FKBP11: variants seen among roughly 807,000 people sequenced by gnomAD.
FKBP11 encodes the protein FKBP prolyl isomerase 11.
Under a neutral mutation model 24.7 loss-of-function variants are expected in FKBP11, and 21 were observed. That is an observed-to-expected ratio of 0.85 (90% CI 0.60 to 1.23). The LOEUF (loss-of-function observed/expected upper bound fraction) is 1.23. Ranked by LOEUF, FKBP11 falls within the 50% of genes most tolerant of loss-of-function variation. FKBP11 has a pLI of 0.00. For missense variants in FKBP11, 245 were observed against 248.7 expected (o/e 0.99, Z 0.10); for synonymous variants, 106 against 100.6 (o/e 1.05, Z -0.32).
At chr12:48,924,406 G>T in intron 3 of FKBP11, 150 bp from the exon 4 acceptor site, 1 of 1,161,470 alleles carries the variant, frequency 8.6e-7, no homozygotes, top group Non-Finnish European at 1.3e-6. Context: ...GACAAGTGGA[G>T]TACTAGAAGT....
the FKBP11 span, chr12:48,936,991 A>AC: frequency 0.025 from 3,705 of 150,238 alleles, 148 homozygotes; most frequent in African/African-American, 0.081. Context: ...AACCTCCAAC[A>AC]CCCCCCCCAC....
the FKBP11 span, among the ~76,000 whole-genome samples, chr12:48,933,116 T>C: frequency 6.6e-6 from 1 of 152,204 alleles, no homozygotes; most frequent in Non-Finnish European, 1.5e-5. Flanking sequence ...TCCTCACATC[T>C]ACACCTCCAA....
the FKBP11 span, chr12:48,938,730 G>T: frequency 1.6e-6 from 1 of 611,200 alleles, no homozygotes; most frequent in Non-Finnish European, 2.9e-6. Flanking sequence ...CCAGTAAATT[G>T]GAATGACTCA....
intron 5 of FKBP11, chr12:48,922,419 G>A: frequency 1.4e-6 from 1 of 703,834 alleles, no homozygotes; most frequent in East Asian, 3.2e-5. Context: ...CATGTGGCTT[G>A]GGTCCAGTGA....
the FKBP11 span, chr12:48,931,858 T>G: frequency 2.7e-5 from 5 of 185,788 alleles, no homozygotes; most frequent in Non-Finnish European, 5.6e-5. Context: ...GGTTTAAAAT[T>G]TGATTTTGGT....
intron 4 of FKBP11, 43 bp from the exon 5 acceptor site, chr12:48,923,895 A>G: frequency 6.3e-7 from 1 of 1,585,902 alleles, no homozygotes; most frequent in Non-Finnish European, 8.7e-7. Context: ...CAGGAGAGGT[A>G]GGCCAGCAGC....
chr12:48,937,354 C>G, the FKBP11 span: 1 of 152,460 alleles, frequency 6.6e-6, no homozygotes, highest in Non-Finnish European at 1.5e-5. Context: ...GCGCAGCCAG[C>G]ACACACAGGA....
At chr12:48,923,180 T>A in intron 5 of FKBP11, 2 of 1,192,122 alleles carry the variant, frequency 1.7e-6, no homozygotes. Context: ...AGCCCAATAC[T>A]CTGTGGAGTA....
At position 48,925,116 on chromosome 12, in the gene FKBP11, G is replaced by A. The variant is rs1222532652; in HGVS notation, c.130-5C>T. On this transcript the variant is annotated splice_polypyrimidine_tract_variant and splice_region_variant and intron_variant, in intron 1 of 5. Transcript: ENST00000550765. ...ACATGGTTCTGGGGGCTCCACCTAC[G>A]ATCGGACTACAGGGGTCACGGATGC... 1 of 1,611,500 alleles carries A rather than the reference G, an allele frequency of 6.2e-7. No individual in the cohort carries two copies. The highest frequency in any genetic ancestry group is 1.3e-5 in the African/African-American group (1 of 74,706).
upstream of FKBP11, among the ~76,000 whole-genome samples, chr12:48,929,718 C>T (rs1274890129): frequency 6.6e-6 from 1 of 152,192 alleles, no homozygotes; most frequent in African/African-American, 2.4e-5. Context: ...ATCTTCATTG[C>T]TAGTATAGTG....
At chr12:48,924,462 C>A in intron 3 of FKBP11, 99 bp downstream of exon 3, 1 of 1,247,702 alleles carries the variant, frequency 8.0e-7, no homozygotes, top group Non-Finnish European at 1.2e-6. Flanking sequence ...TAGGGTCTTA[C>A]TCATTTCAGG....
upstream of FKBP11, among the ~76,000 whole-genome samples, chr12:48,928,148 G>T (rs182232639): frequency 3.5e-3 from 510 of 146,606 alleles, 11 homozygotes; most frequent in Admixed American, 0.033. Context: ...GGGCTCAAGT[G>T]ATTTTCCTGC....
upstream of FKBP11, chr12:48,925,589 C>A: frequency 3.2e-6 from 3 of 938,422 alleles, no homozygotes; most frequent in Non-Finnish European, 4.7e-6. Context: ...CTTGTCCCCA[C>A]CTCCGAAAGG....
At chr12:48,938,356 G>C in the FKBP11 span, 1 of 454,256 alleles carries the variant, frequency 2.2e-6, no homozygotes. Context: ...TCACCAACAC[G>C]GAAGGGGCAG....
chr12:48,929,522 T>C (rs1403066678), upstream of FKBP11, among the ~76,000 whole-genome samples: 1 of 152,140 alleles, frequency 6.6e-6, no homozygotes, highest in African/African-American at 2.4e-5. Context: ...ACAGTTTCAG[T>C]CCCATCATCT....
rs145495143 is a variant in FKBP11 at position 48,925,372 on chromosome 12, A to T, written c.57T>A (p.Ser19Arg). ...CAGCCTCAGCCCGGCACACCGCCGC[A>T]CTGAGCAGCAGCAGCAGCAGCAGAT... is the stretch of plus-strand genomic sequence containing the variant. ...PLHLLLLLLLSAAVCRAEAGL... is the reference protein window; with the variant it reads ...PLHLLLLLLLRAAVCRAEAGL... The change falls in exon 1 of 6, where the codon AGT becomes AGA. Residue 19 changes from serine (S) to arginine (R), a missense_variant. Coordinates refer to ENST00000550765, the MANE Select transcript of FKBP11 (RefSeq NM_016594.3). The T allele has an allele frequency of 2.4e-5, 38 of 1,603,348 alleles. No individual in the cohort carries two copies. In the African/African-American group the frequency reaches 4.0e-4, roughly 17 times the overall value.
the FKBP11 span, chr12:48,938,435 C>A: frequency 2.2e-6 from 1 of 454,160 alleles, no homozygotes; most frequent in Non-Finnish European, 4.4e-6. Context: ...TCCCCGCTCC[C>A]CCCGGCCCCC....
rs770487052 is a variant in FKBP11, at chr12:48,925,351, C to T, written c.78G>A (p.Glu26=). ...CGGGACTTTCGGTTTCGAGCCCAGC[C>T]TCAGCCCGGCACACCGCCGCACTGA... The part of the protein sequence containing the change: ...LLLSAAVCRA[E]AGLETESPVR... Residue 26 remains glutamate (E), a synonymous_variant, in exon 1 of 6, where the codon GAG becomes GAA. Transcript: ENST00000550765. The T allele has an allele frequency of 3.1e-6, 5 of 1,608,262 alleles. No individual in the cohort carries two copies. The highest frequency in any genetic ancestry group is 2.2e-5 in the South Asian group (2 of 89,656).
the FKBP11 span, among the ~76,000 whole-genome samples, chr12:48,935,091 CACCAAGCAGAACTTTGG>C: frequency 6.6e-6 from 1 of 150,870 alleles, no homozygotes; most frequent in Non-Finnish European, 1.5e-5. Flanking sequence ...AGCACCCTGT[CACCAAGCAGAACTTTGG>C]AGAAGCCTGG....
Sources: allele counts gnomAD v4.1 joint callset (sites outside exome capture counted in the v4.1 genomes callset), GRCh38; gene constraint gnomAD v4.1.1; transcripts MANE v1.5; gene names NCBI Gene and HGNC (gene_info 2026-07-23, HGNC 2026-07-21).